ADAMTSL1: variants seen among roughly 807,000 people sequenced by gnomAD.
ADAMTSL1 encodes ADAMTS-like protein 1.
In ADAMTSL1, 126 loss-of-function variants were observed where a neutral mutation model predicts 201.8. The observed-to-expected ratio is 0.62, with a 90% CI of 0.54 to 0.72. ADAMTSL1 has a LOEUF of 0.72. Among genes scored for constraint, ADAMTSL1 ranks in the 30% least tolerant of loss-of-function variants. The pLI is 0.00. For missense variants in ADAMTSL1, 2,679 were observed against 2,277.8 expected, an observed-to-expected ratio of 1.18 and a Z score of -3.59; for synonymous variants, 1,121 against 903.4, an observed-to-expected ratio of 1.24 and a Z score of -4.32.
intron 3 of ADAMTSL1, among the ~76,000 whole-genome samples, chr9:18,549,600 T>C (rs1488363947): frequency 6.6e-6 from 1 of 152,006 alleles, no homozygotes; most frequent in African/African-American, 2.4e-5. Flanking sequence ...CAATAATATT[T>C]CTGGTATTCT....
At chr9:18,682,959 G>A (rs914493111) in intron 12 of ADAMTSL1, among the ~76,000 whole-genome samples, 4 of 152,132 alleles carry the variant, frequency 2.6e-5, no homozygotes, top group Admixed American at 1.3e-4. Context: ...TCATGCGTAG[G>A]TTAAATGAGA....
At chr9:18,434,218 G>C (rs1271732083) in intron 2 of ADAMTSL1, among the ~76,000 whole-genome samples, 2 of 152,146 alleles carry the variant, frequency 1.3e-5, no homozygotes, top group African/African-American at 2.4e-5. Context: ...AAAGAATTCA[G>C]GGTCATAAAA....
intron 2 of ADAMTSL1, among the ~76,000 whole-genome samples, chr9:18,257,259 T>C (rs1486239389): frequency 1.3e-5 from 2 of 152,244 alleles, no homozygotes; most frequent in Non-Finnish European, 2.9e-5. Flanking sequence ...TTTTCTAATT[T>C]ATCAAGAGTA....
At chr9:18,392,329 C>G (rs1587057724) in intron 2 of ADAMTSL1, among the ~76,000 whole-genome samples, 1 of 152,182 alleles carries the variant, frequency 6.6e-6, no homozygotes, top group Non-Finnish European at 1.5e-5. Flanking sequence ...GAGGCACTCA[C>G]TAGCCTAGCT....
chr9:18,855,990 C>T (rs974932237), intron 23 of ADAMTSL1, among the ~76,000 whole-genome samples: 2 of 152,190 alleles, frequency 1.3e-5, no homozygotes, highest in Middle Eastern at 3.2e-3. Flanking sequence ...TGCACCTCCT[C>T]TTAATTCTTC....
At chr9:18,322,073 A>T (rs1834643841) in intron 2 of ADAMTSL1, among the ~76,000 whole-genome samples, 1 of 152,184 alleles carries the variant, frequency 6.6e-6, no homozygotes, top group African/African-American at 2.4e-5. Context: ...ATTAATAAAT[A>T]CTGCAAACTA....
At chr9:18,073,686 C>T (rs1223557153) in intron 1 of ADAMTSL1, among the ~76,000 whole-genome samples, 1 of 152,072 alleles carries the variant, frequency 6.6e-6, no homozygotes, top group Non-Finnish European at 1.5e-5. Context: ...TTTTTATAAC[C>T]TTGGAACTGT....
intron 23 of ADAMTSL1, among the ~76,000 whole-genome samples, chr9:18,833,660 G>C (rs1037131796): frequency 6.6e-6 from 1 of 152,128 alleles, no homozygotes; most frequent in African/African-American, 2.4e-5. Flanking sequence ...TTCCTCTGTT[G>C]ATAGTTTCTT....
intron 1 of ADAMTSL1, among the ~76,000 whole-genome samples, chr9:17,926,227 G>C (rs540999728): frequency 6.6e-6 from 1 of 152,112 alleles, no homozygotes; most frequent in Non-Finnish European, 1.5e-5. Flanking sequence ...AATAAAGGTT[G>C]TTTATTATTA....
At chr9:18,172,000 C>A (rs1416905360) in intron 2 of ADAMTSL1, among the ~76,000 whole-genome samples, 1 of 151,704 alleles carries the variant, frequency 6.6e-6, no homozygotes, top group Non-Finnish European at 1.5e-5. Context: ...GATGTGGAAA[C>A]CATCATTCAC....
chr9:18,462,220 G>T (rs1449288106), intron 2 of ADAMTSL1, among the ~76,000 whole-genome samples: 1 of 152,148 alleles, frequency 6.6e-6, no homozygotes, highest in Non-Finnish European at 1.5e-5. Context: ...TGTTAAAATA[G>T]TGAAATGTCC....
intron 2 of ADAMTSL1, among the ~76,000 whole-genome samples, chr9:18,373,984 G>T (rs993347331): frequency 1.3e-5 from 2 of 152,154 alleles, no homozygotes; most frequent in African/African-American, 4.8e-5. Context: ...CTAGGAACTG[G>T]GCTAGGAACT....
intron 2 of ADAMTSL1, among the ~76,000 whole-genome samples, chr9:18,317,777 A>G (rs1282178536): frequency 6.6e-6 from 1 of 152,186 alleles, no homozygotes; most frequent in Non-Finnish European, 1.5e-5. Flanking sequence ...CAATGTTTCC[A>G]TCAAAACAGT....
intron 2 of ADAMTSL1, among the ~76,000 whole-genome samples, chr9:18,375,990 A>T (rs1326632033): frequency 6.6e-6 from 1 of 152,006 alleles, no homozygotes; most frequent in Non-Finnish European, 1.5e-5. Context: ...GCATTTTACA[A>T]TCCTAGCTAC....
Position 18,578,370 on chromosome 9 carries a change from C to G in ADAMTSL1, c.474+4104C>G, listed in dbSNP as rs1448401233. Reference sequence around the variant, plus strand: ...CCCAGTGGGTGATTGTGTTATCCCTCTTCACCCTGCATCTCAGACTGAGAA... The same window carrying G: ...CCCAGTGGGTGATTGTGTTATCCCTGTTCACCCTGCATCTCAGACTGAGAA... On this transcript the variant is annotated intron_variant, in intron 4 of 28. Coordinates refer to ENST00000380548, the MANE Select transcript of ADAMTSL1 (RefSeq NM_001040272.6). Among the ~76,000 whole-genome samples the G allele has an allele frequency of 5.3e-5, 8 of 152,292 alleles. No individual in the cohort carries two copies. In the South Asian group the frequency reaches 8.3e-4, roughly 16 times the overall value.
At chr9:18,337,040 A>C (rs1236534054) in intron 2 of ADAMTSL1, among the ~76,000 whole-genome samples, 3 of 152,150 alleles carry the variant, frequency 2.0e-5, no homozygotes, top group Non-Finnish European at 2.9e-5. Flanking sequence ...GCTGCAAAGT[A>C]TTGATCCTAG....
At chr9:18,126,528 C>A (rs1194764634) in intron 1 of ADAMTSL1, among the ~76,000 whole-genome samples, 1 of 152,174 alleles carries the variant, frequency 6.6e-6, no homozygotes, top group African/African-American at 2.4e-5. Context: ...TTGTTGCATG[C>A]ACCACACGTG....
At chr9:18,790,741 C>A (rs1462933987) in intron 19 of ADAMTSL1, among the ~76,000 whole-genome samples, 1 of 151,554 alleles carries the variant, frequency 6.6e-6, no homozygotes, top group Non-Finnish European at 1.5e-5. Flanking sequence ...AAATAAAGGC[C>A]CCCAGAAAAA....
chr9:18,052,997 C>G (rs58254408), intron 1 of ADAMTSL1, among the ~76,000 whole-genome samples: 1 of 152,132 alleles, frequency 6.6e-6, no homozygotes, highest in African/African-American at 2.4e-5. Context: ...TTTCCTCAAT[C>G]TTTAAAGTAA....
Sources: allele counts gnomAD v4.1 joint callset (sites outside exome capture counted in the v4.1 genomes callset), GRCh38; gene constraint gnomAD v4.1.1; transcripts MANE v1.5; gene names NCBI Gene and HGNC (gene_info 2026-07-23, HGNC 2026-07-21).